Variants in SHANK2 observed in about 807,000 individuals in gnomAD.
The protein encoded by SHANK2 is SH3 and multiple ankyrin repeat domains protein 2.
SHANK2 carries 43 observed loss-of-function variants against 133.7 expected under a neutral mutation model. The observed-to-expected ratio is 0.32, with a 90% confidence interval of 0.25 to 0.41. The LOEUF is 0.41. Ranked by LOEUF, SHANK2 falls within the 10% of genes least tolerant of loss-of-function variation. The probability of loss-of-function intolerance (pLI) is 1.00; values close to 1 mark genes in which losing one functional copy is unlikely to be tolerated. For synonymous variants in SHANK2, 1,017 were observed against 952.8 expected (o/e 1.07, Z -1.24); for missense variants, 1,994 against 2,235.8 (o/e 0.89, Z 2.18).
intron 17 of SHANK2, among the ~76,000 whole-genome samples, chr11:70,653,325 T>C (rs931089860): frequency 1.3e-5 from 2 of 152,174 alleles, no homozygotes; most frequent in African/African-American, 4.8e-5. Flanking sequence ...GCTGTGGGGA[T>C]TGACCCTTGA....
In SHANK2 at chr11:70,486,603, A is replaced by G. The variant is rs782508507; in HGVS notation, c.3690T>C (p.Ser1230=). The change falls in exon 25 of 26, where the codon TCT becomes TCC. Residue 1230 remains serine (S), a synonymous_variant. Coordinates refer to ENST00000601538, the MANE Select transcript of SHANK2 (RefSeq NM_012309.5). This position sits in a 1 kb window ranked among gnomAD's most constrained non-coding sequence, Gnocchi z 8.0. ...LSARDRAMKE[S]QQGPKGEAPK... ...GGGCCTCCCCTTTGGGTCCCTGTTG[A>G]GACTCCTTCATGGCTCGGTCCCTTG... 3 of 1,613,804 alleles carry G rather than the reference A, an allele frequency of 1.9e-6. No homozygotes were observed. The highest frequency in any genetic ancestry group is 4.5e-5 in the East Asian group (2 of 44,860).
chr11:71,079,620 T>C (rs922243717), intron 8 of SHANK2, among the ~76,000 whole-genome samples: 1 of 149,352 alleles, frequency 6.7e-6, no homozygotes, highest in Non-Finnish European at 1.5e-5. Context: ...ATTAGCCGGG[T>C]GTGGTGGCGG....
At chr11:70,891,584 G>A (rs1949846711) in intron 11 of SHANK2, among the ~76,000 whole-genome samples, 1 of 152,144 alleles carries the variant, frequency 6.6e-6, no homozygotes, top group Non-Finnish European at 1.5e-5. Flanking sequence ...TCGATGTGTT[G>A]GCAGGGCTGG....
chr11:71,215,226 C>T (rs1555119585), intron 2 of SHANK2, among the ~76,000 whole-genome samples: 1 of 152,182 alleles, frequency 6.6e-6, no homozygotes, highest in East Asian at 1.9e-4. Context: ...GCAGCAGGGC[C>T]CACGCTCTCT....
At chr11:70,522,267 C>CG in intron 17 of SHANK2, among the ~76,000 whole-genome samples, 1 of 152,334 alleles carries the variant, frequency 6.6e-6, no homozygotes, top group South Asian at 2.1e-4. Flanking sequence ...TATCCTGCTG[C>CG]GTGCATGGCT....
chr11:70,684,948 ATTAC>A (rs782305816), intron 15 of SHANK2, among the ~76,000 whole-genome samples: 80 of 152,244 alleles, frequency 5.3e-4, no homozygotes, highest in Admixed American at 1.2e-3. Flanking sequence ...AGGCAGGACA[ATTAC>A]TTTGTGCATT....
At chr11:70,618,515 C>T (rs931788169) in intron 17 of SHANK2, among the ~76,000 whole-genome samples, 4 of 152,218 alleles carry the variant, frequency 2.6e-5, no homozygotes, top group African/African-American at 9.6e-5. Context: ...TGGCCCCTGG[C>T]TCTGCCCACA....
intron 7 of SHANK2, among the ~76,000 whole-genome samples, chr11:71,093,809 T>C (rs780890375): frequency 6.6e-6 from 1 of 152,042 alleles, no homozygotes; most frequent in African/African-American, 2.4e-5. Flanking sequence ...GCAGCTGAAA[T>C]GAAGTGAAAG....
At chr11:71,218,156 G>A (rs7106108) in intron 2 of SHANK2, among the ~76,000 whole-genome samples, 82,705 of 151,934 alleles carry the variant, frequency 0.54, 27,043 homozygotes, top group Non-Finnish European at 0.74. Context: ...CACCATGCCC[G>A]GCCAAGAGGT....
Position 71,059,778 on chromosome 11 carries a change from G to A in SHANK2, c.1030-3220C>T, listed in dbSNP as rs1950965468. ...TGAGTTGGGTAGTAAAGGCCGCCCC[G>A]TCTCTGCGTTCTCCAGCATCCTGGG... On this transcript the variant is annotated intron_variant, in intron 9 of 25. Coordinates refer to ENST00000601538, the MANE Select transcript of SHANK2 (RefSeq NM_012309.5). 4.6e-5 allele frequency among the ~76,000 whole-genome samples: 7 copies of A among 152,316 alleles called. No individual in the cohort carries two copies. In the South Asian group the frequency reaches 1.5e-3, roughly 32 times the overall value.
At chr11:71,162,043 T>A (rs1555109992) in intron 2 of SHANK2, among the ~76,000 whole-genome samples, 1 of 152,168 alleles carries the variant, frequency 6.6e-6, no homozygotes, top group East Asian at 1.9e-4. Flanking sequence ...CCCTGTAGCA[T>A]TTTCTGCTTT....
At chr11:70,681,649 G>A (rs1185800425) in intron 15 of SHANK2, among the ~76,000 whole-genome samples, 6 of 152,098 alleles carry the variant, frequency 3.9e-5, no homozygotes, top group South Asian at 4.2e-4. Context: ...GAGACTGAAC[G>A]GACGCTGGGG....
At chr11:70,693,690 A>G (rs182761023) in intron 15 of SHANK2, among the ~76,000 whole-genome samples, 286 of 152,342 alleles carry the variant, frequency 1.9e-3, no homozygotes, top group Non-Finnish European at 3.6e-3. Context: ...AGCTCCCAGA[A>G]TAGTCAGATC....
At chr11:71,106,627 C>G (rs1312683041) in intron 6 of SHANK2, among the ~76,000 whole-genome samples, 2 of 152,194 alleles carry the variant, frequency 1.3e-5, no homozygotes, top group African/African-American at 4.8e-5. Flanking sequence ...CAACTATGGA[C>G]CTTCTGCTTT....
intron 8 of SHANK2, among the ~76,000 whole-genome samples, chr11:71,088,623 T>C (rs1590898101): frequency 6.6e-6 from 1 of 152,130 alleles, no homozygotes; most frequent in Admixed American, 6.6e-5. Flanking sequence ...GTGTTCAGGG[T>C]TCCATGACTC....
intron 11 of SHANK2, among the ~76,000 whole-genome samples, chr11:70,825,653 G>A (rs1019395513): frequency 3.9e-5 from 6 of 152,094 alleles, no homozygotes; most frequent in African/African-American, 7.2e-5. Context: ...ATTTTGCAAC[G>A]AGCTGGGGCT....
At chr11:71,116,431 G>A (rs1479146013) in intron 4 of SHANK2, among the ~76,000 whole-genome samples, 4 of 152,266 alleles carry the variant, frequency 2.6e-5, no homozygotes, top group African/African-American at 9.6e-5. Context: ...CTGGGTGAGA[G>A]AGGTAGGGAC....
intron 17 of SHANK2, among the ~76,000 whole-genome samples, chr11:70,521,292 T>G (rs1554970969): frequency 6.6e-6 from 1 of 152,232 alleles, no homozygotes; most frequent in African/African-American, 2.4e-5. Context: ...ACACCACCAA[T>G]GTCATTACTC....
At chr11:70,786,635 G>A (rs1274540454) in intron 14 of SHANK2, among the ~76,000 whole-genome samples, 1 of 152,128 alleles carries the variant, frequency 6.6e-6, no homozygotes, top group Non-Finnish European at 1.5e-5. Context: ...ACCAAGTGTG[G>A]TGTTGATTTC....
Sources: gnomAD v4.1 joint callset for allele counts (sites outside exome capture counted in the v4.1 genomes callset) on GRCh38, gnomAD v4.1.1 for gene constraint, Gnocchi (gnomAD v3.1) non-coding constraint, MANE v1.5 for transcripts, NCBI Gene and HGNC (gene_info 2026-07-23, HGNC 2026-07-21) for gene names.